Variants in CYP27C1 observed in about 807,000 individuals in gnomAD.
The protein encoded by CYP27C1 is cytochrome P450 27C1.
In CYP27C1, 29 loss-of-function variants were observed where a neutral mutation model predicts 40.6. The ratio of observed to expected loss-of-function variants is 0.71; its 90% CI spans 0.53 to 0.97. CYP27C1 has a LOEUF of 0.97. CYP27C1 is among the 50% of genes least tolerant of loss of function. The pLI is 0.00. For missense variants in CYP27C1, 390 were observed against 485.8 expected (o/e 0.80, Z 1.85); for synonymous variants, 198 against 186.8 (o/e 1.06, Z -0.49).
rs1683042954 is a variant in CYP27C1 at position 127,201,889 on chromosome 2, A to C, written c.674-558T>G. Among the ~76,000 whole-genome samples the C allele has an allele frequency of 6.6e-6, 1 of 152,214 alleles. No individual in the cohort carries two copies. The highest frequency in any genetic ancestry group is 2.4e-5 in the African/African-American group (1 of 41,462). On this transcript the variant is annotated intron_variant, in intron 3 of 8. Transcript: ENST00000664447. The surrounding 1 kb of genome is among the most constrained non-coding windows in gnomAD (Gnocchi z 6.0). ...AGGCCTGGAGAGCTAAAGGCGCAGC[A>C]GAAGTGGCCTGGATGAATCCGTGTC... is the stretch of plus-strand genomic sequence containing the variant.
intron 2 of CYP27C1, among the ~76,000 whole-genome samples, chr2:127,204,619 A>G (rs1457719925): frequency 2.0e-5 from 2 of 102,222 alleles, no homozygotes; most frequent in Non-Finnish European, 4.1e-5. Flanking sequence ...GAAAGAAAGA[A>G]AGAAAGAAGA....
At chr2:127,192,613 C>CT (rs1682804974) in intron 8 of CYP27C1, among the ~76,000 whole-genome samples, 1 of 82,574 alleles carries the variant, frequency 1.2e-5, no homozygotes, top group Admixed American at 1.3e-4. Context: ...ACCACTGTGC[C>CT]TTTCCCGGGG....
At chr2:127,187,517 C>T (rs1682658776) in intron 8 of CYP27C1, 130 bp from the exon 9 acceptor site, 1 of 743,632 alleles carries the variant, frequency 1.3e-6, no homozygotes, top group Non-Finnish European at 2.2e-6. Flanking sequence ...CACCCACATC[C>T]AGCTTTTGGA....
intron 8 of CYP27C1, among the ~76,000 whole-genome samples, chr2:127,191,223 G>A (rs550139394): frequency 2.5e-4 from 38 of 152,184 alleles, no homozygotes; most frequent in South Asian, 4.2e-4. Context: ...CTAGCCTGGC[G>A]ACAGAGCAAG....
At chr2:127,217,813 T>A (rs1169179986) in intron 1 of CYP27C1, among the ~76,000 whole-genome samples, 5 of 152,114 alleles carry the variant, frequency 3.3e-5, no homozygotes, top group Admixed American at 2.0e-4. Flanking sequence ...GCAAGTGAAC[T>A]GGATGTGATG....
intron 8 of CYP27C1, among the ~76,000 whole-genome samples, chr2:127,188,777 C>T (rs1682696090): frequency 6.6e-6 from 1 of 152,104 alleles, no homozygotes; most frequent in Admixed American, 6.5e-5. Flanking sequence ...TATCCATCAC[C>T]CTAAAGCGAT....
At chr2:127,217,065 G>C (rs1282207255) in intron 1 of CYP27C1, among the ~76,000 whole-genome samples, 1 of 152,200 alleles carries the variant, frequency 6.6e-6, no homozygotes, top group Non-Finnish European at 1.5e-5. Context: ...CTGGTAACAA[G>C]AACTACTGGG....
chr2:127,195,320 T>C lies in CYP27C1; in HGVS notation c.1214+15A>G. 6.2e-7 allele frequency: 1 copy of C among 1,613,980 alleles called. No homozygotes were observed. Among genetic ancestry groups the C allele is most frequent in the East Asian group, 2.2e-5 (1 of 44,886 alleles). On this transcript the variant is annotated intron_variant, in intron 6 of 8. Transcript: ENST00000664447. The surrounding 1 kb of genome is among the most constrained non-coding windows in gnomAD (Gnocchi z 6.2). ...AGGGACACAGTTTGTTGACGGATTCTGGCGAGCCTTTTACCTCAGGGTTTC... is the reference window on the plus strand; with the variant it reads ...AGGGACACAGTTTGTTGACGGATTCCGGCGAGCCTTTTACCTCAGGGTTTC...
At chr2:127,204,614 A>AAGCAAGCAAGCAAGC (rs1683181399) in intron 2 of CYP27C1, among the ~76,000 whole-genome samples, 1 of 104,182 alleles carries the variant, frequency 9.6e-6, no homozygotes, top group African/African-American at 4.0e-5. Flanking sequence ...AGAAAGAAAG[A>AAGCAAGCAAGCAAGC]AAGAAAGAAA....
chr2:127,186,848 G>A lies in CYP27C1; in HGVS notation c.*423C>T, dbSNP rs999690666. 1 of 155,934 alleles carries A rather than the reference G, an allele frequency of 6.4e-6. No individual in the cohort carries two copies. Among genetic ancestry groups the A allele is most frequent in the Non-Finnish European group, 1.4e-5 (1 of 70,416 alleles). The allele number at this position is 155,934 out of a possible 1,614,324, so 9.7% of individuals were successfully genotyped here. On this transcript the variant is annotated 3_prime_UTR_variant, in exon 9 of 9. Coordinates refer to ENST00000664447, the MANE Select transcript of CYP27C1 (RefSeq NM_001367502.1). This position sits in a 1 kb window ranked among gnomAD's most constrained non-coding sequence, Gnocchi z 4.5. ...AAATTAGAAACAGTAAGTTGAAATT[G>A]CCTTCAACTTACTGTTGATGGCAAT...
chr2:127,219,209 C>T lies in CYP27C1; in HGVS notation c.282+780G>A, dbSNP rs1683499910. Among the ~76,000 whole-genome samples the T allele has an allele frequency of 6.6e-6, 1 of 152,138 alleles. No homozygotes were observed. The highest frequency in any genetic ancestry group is 2.1e-4 in the South Asian group (1 of 4,830). ...CCGAGCTCCGCAGAGCCTAGAGGAG[C>T]TAGGGAACCTAGCGCTCCCCTCGGG... is the stretch of plus-strand genomic sequence containing the variant. On this transcript the variant is annotated intron_variant, in intron 1 of 8. Coordinates refer to ENST00000664447, the MANE Select transcript of CYP27C1 (RefSeq NM_001367502.1). The surrounding 1 kb of genome is among the most constrained non-coding windows in gnomAD (Gnocchi z 8.7).
intron 1 of CYP27C1, among the ~76,000 whole-genome samples, chr2:127,206,366 T>A (rs1282077941): frequency 6.6e-6 from 1 of 152,144 alleles, no homozygotes; most frequent in Non-Finnish European, 1.5e-5. Context: ...TGGAGTGCAG[T>A]GGCATAAACA....
Position 127,208,698 on chromosome 2 carries a change from A to G in CYP27C1, c.283-2608T>C, listed in dbSNP as rs892313439. On this transcript the variant is annotated intron_variant, in intron 1 of 8. Transcript: ENST00000664447. The surrounding 1 kb of genome is among the most constrained non-coding windows in gnomAD (Gnocchi z 5.2). The stretch of plus-strand genomic sequence containing the variant: ...AGGGAGGCTGGATGGCTTGGTCCCA[A>G]GAGTTATCCCCACAGCTCAACACAC... Among the ~76,000 whole-genome samples, 1 of 152,190 alleles carries G rather than the reference A, an allele frequency of 6.6e-6. No homozygotes were observed. The highest frequency in any genetic ancestry group is 2.4e-5 in the African/African-American group (1 of 41,450).
rs904997234 is a variant in CYP27C1 at position 127,200,470 on chromosome 2, T to C, written c.883+652A>G. The stretch of plus-strand genomic sequence containing the variant: ...TGGATTTGAACAAAAATTGTCACAT[T>C]CAAATGAATGTGCGTGGACCTGAAA... On this transcript the variant is annotated intron_variant, in intron 4 of 8. Coordinates refer to ENST00000664447, the MANE Select transcript of CYP27C1 (RefSeq NM_001367502.1). This position sits in a 1 kb window ranked among gnomAD's most constrained non-coding sequence, Gnocchi z 4.2. Among the ~76,000 whole-genome samples the C allele has an allele frequency of 6.6e-6, 1 of 152,196 alleles. No homozygotes were observed. Among genetic ancestry groups the C allele is most frequent in the Non-Finnish European group, 1.5e-5 (1 of 68,040 alleles).
At position 127,194,958 on chromosome 2, in the gene CYP27C1, T is replaced by C. The variant is rs532462554; in HGVS notation, c.1214+377A>G. 2.7e-4 allele frequency among the ~76,000 whole-genome samples: 41 copies of C among 152,102 alleles called. 1 individual carries two copies. The South Asian group carries it at 7.5e-3, about 28-fold the overall frequency. On this transcript the variant is annotated intron_variant, in intron 6 of 8. Coordinates refer to ENST00000664447, the MANE Select transcript of CYP27C1 (RefSeq NM_001367502.1). The stretch of plus-strand genomic sequence containing the variant: ...GATTCTCTTGCCCCAGCCTCCCAAG[T>C]AGCTGGGACTACAGGTGCCTACCAC...
At position 127,204,483 on chromosome 2, in the gene CYP27C1, A is replaced by AG. The variant is rs1558931054; in HGVS notation, c.474-913dup. On this transcript the variant is annotated intron_variant, in intron 2 of 8. Coordinates refer to ENST00000664447, the MANE Select transcript of CYP27C1 (RefSeq NM_001367502.1). ...AAGAAAGAAAGAAAGAAAGAAAGAA[A>AG]GAAAGGAAGGAAGGAAGGAAGGAAA... Among the ~76,000 whole-genome samples, 23 of 81,250 alleles carry AG rather than the reference A, an allele frequency of 2.8e-4. 1 individual carries two copies. The highest frequency in any genetic ancestry group is 0.011 in the Middle Eastern group (2 of 176). 53.3% of individuals were successfully genotyped at this position (81,250 alleles called of 152,430 possible). A position where few individuals can be genotyped will look rare whatever the true frequency, so the allele number is the denominator to read the frequency against.
chr2:127,189,243 T>G (rs1428636024), intron 8 of CYP27C1, among the ~76,000 whole-genome samples: 2 of 148,190 alleles, frequency 1.3e-5, no homozygotes, highest in African/African-American at 5.0e-5. Context: ...ACATTCCTGT[T>G]CAATCAAATA....
rs1015186430 is a variant in CYP27C1, at chr2:127,213,815, T to C, written c.282+6174A>G. Reference sequence around the variant, plus strand: ...TGCAACAAAAGCCAAAATTGACAACTAGAATCAAATTAAAGAGTTCCTGCA... The same window carrying C: ...TGCAACAAAAGCCAAAATTGACAACCAGAATCAAATTAAAGAGTTCCTGCA... On this transcript the variant is annotated intron_variant, in intron 1 of 8. Coordinates refer to ENST00000664447, the MANE Select transcript of CYP27C1 (RefSeq NM_001367502.1). Among the ~76,000 whole-genome samples, 17 of 152,002 alleles carry C rather than the reference T, an allele frequency of 1.1e-4. 1 individual carries two copies. Among genetic ancestry groups the C allele is most frequent in the African/African-American group, 3.9e-4 (16 of 41,356 alleles).
intron 5 of CYP27C1, among the ~76,000 whole-genome samples, chr2:127,197,788 G>T (rs1682937496): frequency 6.6e-6 from 1 of 151,946 alleles, no homozygotes; most frequent in South Asian, 2.1e-4. Context: ...GTACCTACAC[G>T]GCGATCATTT....
Sources: gnomAD v4.1 joint callset for allele counts (sites outside exome capture counted in the v4.1 genomes callset) on GRCh38, gnomAD v4.1.1 for gene constraint, Gnocchi (gnomAD v3.1) non-coding constraint, MANE v1.5 for transcripts, NCBI Gene and HGNC (gene_info 2026-07-23, HGNC 2026-07-21) for gene names.